The following PLEKHA2 variants were observed in gnomAD, a reference collection of about 807,000 sequenced individuals.
PLEKHA2 encodes pleckstrin homology domain containing A2, also known as pleckstrin homology domain-containing family A member 2.
In PLEKHA2, 28 loss-of-function variants were observed where a neutral mutation model predicts 53.2. The observed-to-expected ratio is 0.53, with a 90% CI of 0.39 to 0.72. The LOEUF is 0.72. PLEKHA2 is among the 30% of genes least tolerant of loss of function. The pLI is 0.00. For synonymous variants in PLEKHA2, 193 were observed against 196.4 expected, an observed-to-expected ratio of 0.98 and a Z score of 0.14; for missense variants, 426 against 537.9, an observed-to-expected ratio of 0.79 and a Z score of 2.06.
At chr8:38,904,255 C>T (rs984391053) in intron 1 of PLEKHA2, among the ~76,000 whole-genome samples, 15 of 152,284 alleles carry the variant, frequency 9.9e-5, no homozygotes, top group Admixed American at 5.2e-4. Context: ...GCATTAAAGC[C>T]GGAATTGGGC....
rs1040402119 is a variant in PLEKHA2 at position 38,922,759 on chromosome 8, C to T, written c.141+4689C>T. On this transcript the variant is annotated intron_variant, in intron 2 of 11. Coordinates refer to ENST00000617275, the MANE Select transcript of PLEKHA2 (RefSeq NM_021623.2). This position sits in a 1 kb window ranked among gnomAD's most constrained non-coding sequence, Gnocchi z 4.0. ...CAGCTTATACTTACTAAGTGGTTGC[C>T]ATGTACCAGCTATGGTGTGAAATGC... is the stretch of plus-strand genomic sequence containing the variant. 1.3e-5 allele frequency among the ~76,000 whole-genome samples: 2 copies of T among 152,170 alleles called. No homozygotes were observed. The highest frequency in any genetic ancestry group is 2.9e-5 in the Non-Finnish European group (2 of 68,034).
At chr8:38,966,661 G>A (rs1213904193) in intron 10 of PLEKHA2, among the ~76,000 whole-genome samples, 1 of 152,158 alleles carries the variant, frequency 6.6e-6, no homozygotes, top group African/African-American at 2.4e-5. Flanking sequence ...CCCCTTCTGG[G>A]GTTTATAGGT....
chr8:38,926,631 A>T (rs116901284), intron 2 of PLEKHA2, among the ~76,000 whole-genome samples: 494 of 152,226 alleles, frequency 3.2e-3, no homozygotes, highest in Non-Finnish European at 5.7e-3. Context: ...TGTCTAAATT[A>T]AAAAAAATTA....
chr8:38,965,618 CT>C (rs1387300943), intron 10 of PLEKHA2, among the ~76,000 whole-genome samples: 2 of 151,788 alleles, frequency 1.3e-5, no homozygotes, highest in African/African-American at 2.4e-5. Context: ...TCAAAATAAC[CT>C]TTTTTTTAAC....
intron 10 of PLEKHA2, 146 bp from the exon 11 acceptor site, chr8:38,968,446 G>A (rs747477534): frequency 1.5e-6 from 1 of 679,640 alleles, no homozygotes. Flanking sequence ...GTCCTTAAAA[G>A]TCTGAAAGCT....
intron 9 of PLEKHA2, among the ~76,000 whole-genome samples, chr8:38,954,075 C>T (rs1326743535): frequency 6.6e-6 from 1 of 152,178 alleles, no homozygotes; most frequent in Non-Finnish European, 1.5e-5. Context: ...GGCCACCAAT[C>T]TGCAGTCTTT....
chr8:38,952,129 G>A, intron 6 of PLEKHA2, 37 bp from the exon 7 acceptor site: 1 of 1,596,018 alleles, frequency 6.3e-7, no homozygotes, highest in South Asian at 1.1e-5. Flanking sequence ...CTGCATAGAG[G>A]GAGGGAGGCG....
intron 5 of PLEKHA2, among the ~76,000 whole-genome samples, chr8:38,950,391 A>G (rs561525132): frequency 2.0e-5 from 3 of 152,242 alleles, no homozygotes; most frequent in Admixed American, 1.3e-4. Context: ...CTTCTCCTCT[A>G]GAGACCTCCC....
chr8:38,926,976 T>G (rs1358569010), intron 2 of PLEKHA2, among the ~76,000 whole-genome samples: 2 of 152,158 alleles, frequency 1.3e-5, no homozygotes, highest in Non-Finnish European at 2.9e-5. Flanking sequence ...GAAAGAATTG[T>G]GTTAAGAGTT....
intron 10 of PLEKHA2, among the ~76,000 whole-genome samples, chr8:38,962,335 A>G (rs1835055310): frequency 6.6e-6 from 1 of 152,156 alleles, no homozygotes; most frequent in Non-Finnish European, 1.5e-5. Flanking sequence ...AAAAACAAGC[A>G]AAAGTAAACC....
intron 2 of PLEKHA2, among the ~76,000 whole-genome samples, chr8:38,918,613 A>ACCCATAAACACACACCACAT (rs1834120729): frequency 1.3e-5 from 2 of 150,386 alleles, no homozygotes; most frequent in African/African-American, 4.9e-5. Context: ...CACATACACA[A>ACCCATAAACACACACCACAT]GCCATACACA....
chr8:38,964,919 C>CATGCTGGT (rs1195197577), intron 10 of PLEKHA2, among the ~76,000 whole-genome samples: 2 of 121,318 alleles, frequency 1.6e-5, no homozygotes, highest in East Asian at 5.1e-4. Context: ...CTCTGTTGCC[C>CATGCTGGT]ATGCTGGTCT....
intron 1 of PLEKHA2, among the ~76,000 whole-genome samples, chr8:38,917,619 T>A (rs1834083323): frequency 6.6e-6 from 1 of 152,182 alleles, no homozygotes. Flanking sequence ...GGAATTTGAA[T>A]GCAGGCCCCT....
rs891288551 is a variant in PLEKHA2 at position 38,971,131 on chromosome 8, G to C, written c.*1348G>C. 2 of 152,184 alleles carry C rather than the reference G, an allele frequency of 1.3e-5. No homozygotes were observed. Among genetic ancestry groups the C allele is most frequent in the African/African-American group, 4.8e-5 (2 of 41,430 alleles). The allele number at this position is 152,184 out of a possible 1,614,324, so 9.4% of individuals were successfully genotyped here. On this transcript the variant is annotated 3_prime_UTR_variant, in exon 12 of 12. Transcript: ENST00000617275. Reference sequence around the variant, plus strand: ...AACACTTGATGAGAAAATCCTTTGTGGCTTGAGGGGAATCATGTTTCTTTC... The same window carrying C: ...AACACTTGATGAGAAAATCCTTTGTCGCTTGAGGGGAATCATGTTTCTTTC...
Position 38,971,603 on chromosome 8 carries a change from G to A in PLEKHA2, c.*1820G>A, listed in dbSNP as rs1357753116. On this transcript the variant is annotated 3_prime_UTR_variant, in exon 12 of 12. Coordinates refer to ENST00000617275, the MANE Select transcript of PLEKHA2 (RefSeq NM_021623.2). ...ACTCACGGAAAAGATGTCCTCTTTTGGTGTATACATTGTGAAAATCTACCC... is the reference window on the plus strand; with the variant it reads ...ACTCACGGAAAAGATGTCCTCTTTTAGTGTATACATTGTGAAAATCTACCC... 1.3e-5 allele frequency: 2 copies of A among 152,032 alleles called. No homozygotes were observed. Among genetic ancestry groups the A allele is most frequent in the African/African-American group, 4.8e-5 (2 of 41,368 alleles). The allele number at this position is 152,032 out of a possible 1,614,324, so 9.4% of individuals were successfully genotyped here.
At chr8:38,969,273 T>G (rs565760023) in intron 11 of PLEKHA2, 148 bp from the exon 12 acceptor site, 1 of 948,574 alleles carries the variant, frequency 1.1e-6, no homozygotes, top group African/African-American at 1.7e-5. Flanking sequence ...GAGTGAATCC[T>G]TTTGACTGTA....
At chr8:38,924,329 C>T (rs868119930) in intron 2 of PLEKHA2, among the ~76,000 whole-genome samples, 13 of 152,104 alleles carry the variant, frequency 8.5e-5, no homozygotes, top group Middle Eastern at 3.4e-3. Context: ...GACCCTGAGA[C>T]GAGGAGTCAG....
intron 10 of PLEKHA2, among the ~76,000 whole-genome samples, chr8:38,964,520 T>TC (rs1417738014): frequency 1.3e-5 from 2 of 151,992 alleles, no homozygotes; most frequent in Non-Finnish European, 2.9e-5. Context: ...CCACCCGTCA[T>TC]CCCCCTCCCT....
intron 4 of PLEKHA2, among the ~76,000 whole-genome samples, chr8:38,945,833 C>T (rs971992331): frequency 3.3e-5 from 5 of 152,214 alleles, no homozygotes; most frequent in Non-Finnish European, 7.3e-5. Flanking sequence ...TGACGGCAGA[C>T]CAGCAGCCTC....
Sources: allele counts gnomAD v4.1 joint callset (sites outside exome capture counted in the v4.1 genomes callset), GRCh38; gene constraint gnomAD v4.1.1; non-coding constraint Gnocchi (gnomAD v3.1); transcripts MANE v1.5; gene names NCBI Gene and HGNC (gene_info 2026-07-23, HGNC 2026-07-21).